The following RSU1 variants were observed in gnomAD, a reference collection of about 807,000 sequenced individuals.
RSU1 encodes the protein rsu-1.
RSU1 carries 26 observed loss-of-function variants against 31.1 expected under a neutral mutation model. The ratio of observed to expected loss-of-function variants is 0.84; its 90% CI spans 0.61 to 1.16. The LOEUF (loss-of-function observed/expected upper bound fraction) is 1.16. Among genes scored for constraint, RSU1 ranks in the 50% most tolerant of loss-of-function variants. The pLI is 0.00. For missense variants in RSU1, 320 were observed against 339.1 expected (o/e 0.94, Z 0.44); for synonymous variants, 164 against 136.3 (o/e 1.20, Z -1.41).
At chr10:16,697,596 G>A (rs538897775) in intron 7 of RSU1, among the ~76,000 whole-genome samples, 20 of 151,722 alleles carry the variant, frequency 1.3e-4, no homozygotes, top group African/African-American at 3.6e-4. Context: ...CCTGGGAGGC[G>A]GAGGTTGCAG....
intron 4 of RSU1, among the ~76,000 whole-genome samples, chr10:16,760,270 G>A (rs528815532): frequency 1.3e-5 from 2 of 152,310 alleles, no homozygotes; most frequent in East Asian, 3.9e-4. Context: ...AGCATTTTGG[G>A]AGGCCGAGGC....
intron 3 of RSU1, chr10:16,767,226 G>C (rs546831659): frequency 6.6e-6 from 1 of 152,256 alleles, no homozygotes; most frequent in African/African-American, 2.4e-5. Context: ...AGAGCAATAA[G>C]GAAAGTTAGT....
chr10:16,595,755 T>C (rs1833600130), intron 8 of RSU1, among the ~76,000 whole-genome samples: 1 of 151,674 alleles, frequency 6.6e-6, no homozygotes, highest in East Asian at 1.9e-4. Flanking sequence ...GATCACGAGG[T>C]CAAGAGATGG....
At chr10:16,694,657 A>G (rs552748341) in intron 8 of RSU1, among the ~76,000 whole-genome samples, 12 of 152,228 alleles carry the variant, frequency 7.9e-5, no homozygotes, top group Admixed American at 6.5e-4. Flanking sequence ...TGCAGCCTCA[A>G]TGTCCTGGGC....
At chr10:16,603,220 T>G (rs922916960) in intron 8 of RSU1, among the ~76,000 whole-genome samples, 5 of 152,134 alleles carry the variant, frequency 3.3e-5, no homozygotes, top group African/African-American at 1.2e-4. Flanking sequence ...CAACGAAATG[T>G]GTAGTTGGCT....
intron 8 of RSU1, among the ~76,000 whole-genome samples, chr10:16,659,008 G>C (rs1186664652): frequency 6.6e-6 from 1 of 152,116 alleles, no homozygotes; most frequent in Non-Finnish European, 1.5e-5. Context: ...AACTGAAGTT[G>C]ACCATTTTTC....
At chr10:16,760,235 C>A (rs1013792917) in intron 4 of RSU1, among the ~76,000 whole-genome samples, 1 of 152,158 alleles carries the variant, frequency 6.6e-6, no homozygotes, top group Non-Finnish European at 1.5e-5. Flanking sequence ...TAGGGCCGGG[C>A]GCAGTGGCTC....
At chr10:16,671,871 C>T (rs1196663168) in intron 8 of RSU1, among the ~76,000 whole-genome samples, 1 of 151,524 alleles carries the variant, frequency 6.6e-6, no homozygotes, top group Non-Finnish European at 1.5e-5. Context: ...TGTGATCGAC[C>T]CCCCTCGGCC....
intron 2 of RSU1, among the ~76,000 whole-genome samples, chr10:16,787,443 C>T (rs569714800): frequency 6.6e-6 from 1 of 152,276 alleles, no homozygotes; most frequent in East Asian, 1.9e-4. Flanking sequence ...CTGCTCCCTT[C>T]ACCAAGGCGC....
intron 7 of RSU1, among the ~76,000 whole-genome samples, chr10:16,700,440 A>G (rs150969107): frequency 2.0e-5 from 3 of 152,364 alleles, no homozygotes; most frequent in East Asian, 1.9e-4. Context: ...GAGATGGGAC[A>G]TAATAACAGC....
chr10:16,809,482 A>T (rs1168687416), intron 2 of RSU1, among the ~76,000 whole-genome samples: 2 of 152,198 alleles, frequency 1.3e-5, no homozygotes, highest in Non-Finnish European at 2.9e-5. Context: ...CCAGCCTCCC[A>T]GGGAGCCCAG....
rs575284994 is a variant in RSU1 at position 16,736,541 on chromosome 10, T to C, written c.598+15998A>G. Among the ~76,000 whole-genome samples the C allele has an allele frequency of 3.3e-5, 5 of 152,064 alleles. No individual in the cohort carries two copies. In the East Asian group the frequency reaches 9.7e-4, roughly 30 times the overall value. On this transcript the variant is annotated intron_variant, in intron 7 of 8. Coordinates refer to ENST00000345264, the MANE Select transcript of RSU1 (RefSeq NM_012425.4). ...ACCAAAAATTAACGACCTGCTAGAA[T>C]GAAACCCAACAGACCATAAAAAAAG... is the stretch of plus-strand genomic sequence containing the variant.
At chr10:16,762,291 ATT>A (rs1051073056) in intron 4 of RSU1, among the ~76,000 whole-genome samples, 2 of 145,950 alleles carry the variant, frequency 1.4e-5, no homozygotes, top group South Asian at 2.2e-4. Context: ...AGTGATTGAG[ATT>A]TTATATATAT....
chr10:16,674,165 C>G lies in RSU1; in HGVS notation c.731+20858G>C, dbSNP rs574587176. On this transcript the variant is annotated intron_variant, in intron 8 of 8. Transcript: ENST00000345264. ...TCTGTTTTTGTTTTGTTCCCCTCCC[C>G]CTGGCCCCCGATATTGCCCTTTAAA... Among the ~76,000 whole-genome samples the G allele has an allele frequency of 2.0e-5, 3 of 152,138 alleles. No individual in the cohort carries two copies. The South Asian group carries it at 6.2e-4, about 32-fold the overall frequency.
At chr10:16,755,087 A>AGT in intron 4 of RSU1, 98 bp from the exon 5 acceptor site, 1 of 677,634 alleles carries the variant, frequency 1.5e-6, no homozygotes, top group Non-Finnish European at 2.6e-6. Flanking sequence ...AGTGTAAGAC[A>AGT]GTGCCATGAT....
intron 2 of RSU1, among the ~76,000 whole-genome samples, chr10:16,795,223 G>T (rs1838004050): frequency 6.6e-6 from 1 of 151,848 alleles, no homozygotes; most frequent in Non-Finnish European, 1.5e-5. Flanking sequence ...GTGTGATGGT[G>T]GGTGCCTGTA....
intron 1 of RSU1, 42 bp from the exon 2 acceptor site, chr10:16,817,126 G>T: frequency 7.0e-7 from 1 of 1,420,658 alleles, no homozygotes; most frequent in Non-Finnish European, 1.0e-6. Context: ...ATGACAGCAA[G>T]CGCAGAGGCG....
chr10:16,703,040 T>G (rs1349123373), intron 7 of RSU1, among the ~76,000 whole-genome samples: 1 of 152,140 alleles, frequency 6.6e-6, no homozygotes, highest in Non-Finnish European at 1.5e-5. Context: ...ATCTAGTTGT[T>G]TAAAAGTGTG....
At chr10:16,774,310 T>A (rs1837485252) in intron 3 of RSU1, among the ~76,000 whole-genome samples, 1 of 152,170 alleles carries the variant, frequency 6.6e-6, no homozygotes, top group Admixed American at 6.5e-5. Flanking sequence ...CCAAGGAGCA[T>A]CTCCTTTAAG....
Sources: gnomAD v4.1 joint callset for allele counts (sites outside exome capture counted in the v4.1 genomes callset) on GRCh38, gnomAD v4.1.1 for gene constraint, MANE v1.5 for transcripts, NCBI Gene and HGNC (gene_info 2026-07-23, HGNC 2026-07-21) for gene names.